Variants in RBFOX3 observed in about 807,000 individuals in gnomAD.
RBFOX3 encodes RNA binding fox-1 homolog 3.
In RBFOX3, 17 loss-of-function variants were observed where a neutral mutation model predicts 48.7. That is an observed-to-expected ratio of 0.35 (90% CI 0.24 to 0.52). RBFOX3 has a LOEUF of 0.52. Among genes scored for constraint, RBFOX3 ranks in the 20% least tolerant of loss-of-function variants. RBFOX3 has a pLI of 0.94. For synonymous variants in RBFOX3, 212 were observed against 209.5 expected (o/e 1.01, Z -0.10); for missense variants, 382 against 497.5 (o/e 0.77, Z 2.21).
At chr17:79,267,400 T>C (rs1441622097) in intron 3 of RBFOX3, among the ~76,000 whole-genome samples, 3 of 151,920 alleles carry the variant, frequency 2.0e-5, no homozygotes, top group African/African-American at 7.3e-5. Context: ...TCTCTTTTTT[T>C]TTTGATTTGA....
intron 1 of RBFOX3, among the ~76,000 whole-genome samples, chr17:79,536,059 G>A (rs1175367477): frequency 1.3e-5 from 2 of 152,150 alleles, no homozygotes; most frequent in Non-Finnish European, 2.9e-5. Context: ...GGGCTGGGGA[G>A]GGAGAGCTGC....
At chr17:79,590,943 A>G (rs2093398935) in intron 1 of RBFOX3, among the ~76,000 whole-genome samples, 2 of 152,274 alleles carry the variant, frequency 1.3e-5, no homozygotes, top group African/African-American at 4.8e-5. Context: ...ACTGCAGCCA[A>G]CTTCTCAGAA....
intron 1 of RBFOX3, among the ~76,000 whole-genome samples, chr17:79,520,511 G>A (rs898416316): frequency 2.0e-5 from 3 of 152,134 alleles, no homozygotes; most frequent in Non-Finnish European, 4.4e-5. Context: ...CCATACTCCC[G>A]CACCCAGACA....
At chr17:79,366,728 A>C (rs2057810908) in intron 2 of RBFOX3, among the ~76,000 whole-genome samples, 2 of 152,174 alleles carry the variant, frequency 1.3e-5, no homozygotes, top group South Asian at 4.1e-4. Flanking sequence ...AGGAGCTGGA[A>C]GGCTTCTGCC....
chr17:79,354,270 T>C (rs1191116125), intron 2 of RBFOX3, among the ~76,000 whole-genome samples: 1 of 152,192 alleles, frequency 6.6e-6, no homozygotes, highest in Admixed American at 6.5e-5. Flanking sequence ...TCTAGTGTCA[T>C]GCATGGCGGT....
intron 4 of RBFOX3, chr17:79,134,886 C>G (rs1446098906): frequency 1.3e-5 from 2 of 152,348 alleles, no homozygotes; most frequent in African/African-American, 4.8e-5. Context: ...CACGGCGGGG[C>G]TGGCTTCTGA....
chr17:79,623,137 T>C, the RBFOX3 span, among the ~76,000 whole-genome samples: 7 of 152,210 alleles, frequency 4.6e-5, no homozygotes, highest in East Asian at 1.3e-3. Flanking sequence ...CCACTCAGGA[T>C]CCTTCCCTGA....
intron 2 of RBFOX3, among the ~76,000 whole-genome samples, chr17:79,461,250 G>A (rs1416248834): frequency 2.0e-5 from 3 of 152,180 alleles, no homozygotes; most frequent in Non-Finnish European, 4.4e-5. Context: ...GATTCAATGA[G>A]GAATGAATAA....
At chr17:79,154,922 C>A (rs554549087) in intron 4 of RBFOX3, among the ~76,000 whole-genome samples, 1 of 151,008 alleles carries the variant, frequency 6.6e-6, no homozygotes, top group Non-Finnish European at 1.5e-5. Flanking sequence ...CCACAGGCCC[C>A]GGGGTCCTGC....
intron 2 of RBFOX3, among the ~76,000 whole-genome samples, chr17:79,335,009 G>T (rs2080974787): frequency 6.6e-6 from 1 of 152,186 alleles, no homozygotes; most frequent in African/African-American, 2.4e-5. Context: ...CTGAAACCTG[G>T]CTCAGATGCC....
intron 2 of RBFOX3, among the ~76,000 whole-genome samples, chr17:79,353,038 T>G (rs1023674475): frequency 3.3e-5 from 5 of 152,188 alleles, no homozygotes; most frequent in African/African-American, 1.2e-4. Context: ...AGGGACTGCC[T>G]CGGGACATCA....
chr17:79,257,474 A>T (rs1009958080), intron 3 of RBFOX3, among the ~76,000 whole-genome samples: 22 of 152,260 alleles, frequency 1.4e-4, no homozygotes, highest in Non-Finnish European at 2.9e-4. Flanking sequence ...TGAGTGGAGG[A>T]CAGAGCAGCA....
chr17:79,539,541 G>A (rs2089365226), intron 1 of RBFOX3, among the ~76,000 whole-genome samples: 1 of 152,186 alleles, frequency 6.6e-6, no homozygotes, highest in Non-Finnish European at 1.5e-5. Flanking sequence ...AAAGCTACGA[G>A]TGCCAGGAAA....
chr17:79,308,616 T>A (rs2076398188), intron 2 of RBFOX3, among the ~76,000 whole-genome samples: 1 of 152,098 alleles, frequency 6.6e-6, no homozygotes, highest in Non-Finnish European at 1.5e-5. Context: ...AAAGGCCAAA[T>A]GTGATGGTAT....
At chr17:79,148,076 T>G (rs2043434523) in intron 4 of RBFOX3, among the ~76,000 whole-genome samples, 1 of 152,048 alleles carries the variant, frequency 6.6e-6, no homozygotes, top group Non-Finnish European at 1.5e-5. Flanking sequence ...TTCCTCACCG[T>G]GGGACCCCAG....
chr17:79,187,292 G>C (rs74001650), intron 4 of RBFOX3, among the ~76,000 whole-genome samples: 15,561 of 152,232 alleles, frequency 0.1, 824 homozygotes, highest in South Asian at 0.12. Context: ...AATTCCTCAT[G>C]CTCCTGCCCC....
Position 79,305,607 on chromosome 17 carries a change from G to A in RBFOX3, c.-74+2117C>T, listed in dbSNP as rs538114829. 3.9e-3 allele frequency among the ~76,000 whole-genome samples: 597 copies of A among 152,214 alleles called. 2 individuals carry two copies. The highest frequency in any genetic ancestry group is 0.02 in the South Asian group (94 of 4,806). On this transcript the variant is annotated intron_variant, in intron 3 of 14. Coordinates refer to ENST00000693108, the MANE Select transcript of RBFOX3 (RefSeq NM_001350451.2). ...GGGAGAAAGACTTTGGGGAAGTCAC[G>A]GTCAGATCTTTCTGCCTCTCCTTTG...
chr17:79,512,914 C>T (rs1397856923), intron 1 of RBFOX3, among the ~76,000 whole-genome samples: 5 of 148,708 alleles, frequency 3.4e-5, no homozygotes, highest in Non-Finnish European at 7.4e-5. Flanking sequence ...GGCCAGGGGA[C>T]GCACATGCAG....
At chr17:79,396,990 C>T (rs2062070454) in intron 2 of RBFOX3, among the ~76,000 whole-genome samples, 1 of 152,208 alleles carries the variant, frequency 6.6e-6, no homozygotes, top group Non-Finnish European at 1.5e-5. Flanking sequence ...CAGGCTAAGC[C>T]GCAGAGCCTG....
Sources: allele counts gnomAD v4.1 joint callset (sites outside exome capture counted in the v4.1 genomes callset), GRCh38; gene constraint gnomAD v4.1.1; transcripts MANE v1.5; gene names NCBI Gene and HGNC (gene_info 2026-07-23, HGNC 2026-07-21).